STPG4: variants seen among roughly 807,000 people sequenced by gnomAD.
STPG4 encodes the protein sperm-tail PG-rich repeat containing 4, also known as protein STPG4.
Under a neutral mutation model 31.5 loss-of-function variants are expected in STPG4, and 41 were observed. That is an observed-to-expected ratio of 1.30 (90% CI 1.01 to 1.69). STPG4 has a LOEUF of 1.69. Ranked by LOEUF, STPG4 falls within the 40% of genes most tolerant of loss-of-function variation. The pLI, the probability that STPG4 is intolerant of heterozygous loss-of-function variation, is 0.00. For missense variants in STPG4, 375 were observed against 293.4 expected (o/e 1.28, Z -2.03); for synonymous variants, 141 against 103.0 (o/e 1.37, Z -2.24).
intron 5 of STPG4, among the ~76,000 whole-genome samples, chr2:47,111,220 G>C (rs577795561): frequency 6.6e-6 from 1 of 152,098 alleles, no homozygotes; most frequent in Non-Finnish European, 1.5e-5. Context: ...TGTTGGTGGT[G>C]GTGGGGAGGG....
chr2:47,100,134 TGGCA>T (rs1351687548), intron 5 of STPG4, among the ~76,000 whole-genome samples: 5 of 152,086 alleles, frequency 3.3e-5, no homozygotes, highest in Middle Eastern at 3.2e-3. Context: ...GGTGCGGGAC[TGGCA>T]GGCAGCTCCA....
At chr2:47,130,446 G>A (rs1346079075) in intron 3 of STPG4, among the ~76,000 whole-genome samples, 186 bp from the exon 4 acceptor site, 5 of 152,208 alleles carry the variant, frequency 3.3e-5, no homozygotes, top group Non-Finnish European at 5.9e-5. Flanking sequence ...CATAGATTCG[G>A]TCTTCATGGT....
At chr2:47,125,682 T>A (rs928911236) in intron 5 of STPG4, among the ~76,000 whole-genome samples, 5 of 151,978 alleles carry the variant, frequency 3.3e-5, no homozygotes, top group African/African-American at 1.2e-4. Context: ...GTTTCCTCAA[T>A]GTTTTGTTTT....
chr2:47,087,122 T>C lies in STPG4; in HGVS notation c.633A>G (p.Pro211=). 1 of 1,551,730 alleles carries C rather than the reference T, an allele frequency of 6.4e-7. No individual in the cohort carries two copies. The highest frequency in any genetic ancestry group is 8.7e-7 in the Non-Finnish European group (1 of 1,146,980). The change falls in exon 7 of 7, where the codon CCA becomes CCG. Residue 211 remains proline, a synonymous_variant. Coordinates refer to ENST00000445927, the MANE Select transcript of STPG4 (RefSeq NM_001163561.2). ...PRFLPSCSKT[P]GPGAYTTLRQ... ...TTAAAGTTGTATATGCTCCTGGGCC[T>C]GGGGTTTTCTGAAAACAGAGCAGAA...
chr2:47,132,026 G>A (rs937460362), intron 3 of STPG4, among the ~76,000 whole-genome samples: 48 of 152,220 alleles, frequency 3.2e-4, no homozygotes, highest in African/African-American at 1.1e-3. Context: ...TTAGCCAGGC[G>A]TGGTGGTGGG....
chr2:47,087,210 G>A lies in STPG4; in HGVS notation c.625-80C>T, dbSNP rs1456516845. On this transcript the variant is annotated intron_variant, in intron 6 of 6. Transcript: ENST00000445927. ...GGCTCCTGTGCCTAGCCACTGGCTTGGATGTGGTGGACAAATTCCCCAAGG... is the reference window on the plus strand; with the variant it reads ...GGCTCCTGTGCCTAGCCACTGGCTTAGATGTGGTGGACAAATTCCCCAAGG... The A allele has an allele frequency of 3.4e-6, 5 of 1,484,236 alleles. No individual in the cohort carries two copies. The East Asian group carries it at 9.9e-5, about 30-fold the overall frequency. 91.9% of individuals were successfully genotyped at this position (1,484,236 alleles called of 1,614,324 possible).
At chr2:47,136,023 A>T (rs1419769380) in intron 3 of STPG4, among the ~76,000 whole-genome samples, 1 of 152,232 alleles carries the variant, frequency 6.6e-6, no homozygotes, top group African/African-American at 2.4e-5. Context: ...ACAAAATAAC[A>T]TTCTCTAATT....
At chr2:47,100,924 T>C (rs1330133456) in intron 5 of STPG4, among the ~76,000 whole-genome samples, 1 of 151,478 alleles carries the variant, frequency 6.6e-6, no homozygotes, top group African/African-American at 2.4e-5. Context: ...ACCACGAGGG[T>C]CCGCGGCTTC....
At chr2:47,146,747 T>TCCAA (rs1334268490) in intron 3 of STPG4, among the ~76,000 whole-genome samples, 1 of 151,960 alleles carries the variant, frequency 6.6e-6, no homozygotes, top group East Asian at 1.9e-4. Flanking sequence ...CTTGGGGCAC[T>TCCAA]CCAAGATGGA....
intron 3 of STPG4, among the ~76,000 whole-genome samples, chr2:47,144,800 G>C (rs959343989): frequency 5.3e-5 from 8 of 152,080 alleles, no homozygotes; most frequent in African/African-American, 1.9e-4. Flanking sequence ...GCGCAACCTC[G>C]GCTCACTGCA....
chr2:47,144,235 A>G (rs1686773056), intron 3 of STPG4, among the ~76,000 whole-genome samples: 1 of 152,252 alleles, frequency 6.6e-6, no homozygotes. Flanking sequence ...GCAGAATAGG[A>G]CAACCTTTCT....
intron 3 of STPG4, among the ~76,000 whole-genome samples, chr2:47,142,836 CTTTTTTTTTTTTTT>C (rs10686388): frequency 1.4e-5 from 1 of 73,836 alleles, no homozygotes; most frequent in African/African-American, 5.5e-5. Flanking sequence ...TTTATCTCAT[CTTTTTTTTTTTTTT>C]TTTTTTTTTT....
chr2:47,109,778 T>C (rs1358368872), intron 5 of STPG4, among the ~76,000 whole-genome samples: 2 of 152,214 alleles, frequency 1.3e-5, no homozygotes, highest in Non-Finnish European at 2.9e-5. Context: ...CCTTGGAATT[T>C]CAAACTATCA....
intron 3 of STPG4, among the ~76,000 whole-genome samples, chr2:47,140,726 C>T (rs1054288826): frequency 2.0e-5 from 3 of 152,114 alleles, no homozygotes; most frequent in Non-Finnish European, 4.4e-5. Context: ...ACATGCAGAA[C>T]TGGAAACTGG....
intron 5 of STPG4, among the ~76,000 whole-genome samples, chr2:47,111,735 A>C (rs1295829103): frequency 6.6e-6 from 1 of 152,216 alleles, no homozygotes; most frequent in Non-Finnish European, 1.5e-5. Context: ...CCCAAAAGGC[A>C]CATGTAGATA....
chr2:47,101,762 G>T (rs1220226102), intron 5 of STPG4, among the ~76,000 whole-genome samples: 1 of 151,832 alleles, frequency 6.6e-6, no homozygotes. Flanking sequence ...GGGAGCCTCA[G>T]AAATTGTATC....
chr2:47,136,571 G>A (rs1048243656), intron 3 of STPG4, among the ~76,000 whole-genome samples: 1 of 152,146 alleles, frequency 6.6e-6, no homozygotes, highest in Non-Finnish European at 1.5e-5. Flanking sequence ...CATTATATAT[G>A]TGTGTGTTCT....
intron 5 of STPG4, among the ~76,000 whole-genome samples, chr2:47,096,335 C>A (rs1388910129): frequency 6.6e-6 from 1 of 152,130 alleles, no homozygotes; most frequent in Non-Finnish European, 1.5e-5. Flanking sequence ...ACATTTGAGG[C>A]TGGTGGAAGG....
At chr2:47,150,024 T>C (rs1686904483) in intron 3 of STPG4, among the ~76,000 whole-genome samples, 1 of 152,236 alleles carries the variant, frequency 6.6e-6, no homozygotes, top group African/African-American at 2.4e-5. Flanking sequence ...CTGCTTCACC[T>C]ACTTAAGTAT....
Sources: allele counts gnomAD v4.1 joint callset (sites outside exome capture counted in the v4.1 genomes callset), GRCh38; gene constraint gnomAD v4.1.1; transcripts MANE v1.5; gene names NCBI Gene and HGNC (gene_info 2026-07-23, HGNC 2026-07-21).